The following MYO1E variants were observed in gnomAD, a reference collection of about 807,000 sequenced individuals.
The protein encoded by MYO1E is myosin IE, also known as unconventional myosin-Ie.
Under a neutral mutation model 151.1 loss-of-function variants are expected in MYO1E, and 68 were observed. The ratio of observed to expected loss-of-function variants is 0.45; its 90% CI spans 0.37 to 0.55. The LOEUF (loss-of-function observed/expected upper bound fraction) is 0.55. MYO1E is among the 20% of genes least tolerant of loss of function. The probability of loss-of-function intolerance (pLI) is 0.00; values close to 1 mark genes in which losing one functional copy is unlikely to be tolerated. For missense variants in MYO1E, 1,363 were observed against 1,389.3 expected, an observed-to-expected ratio of 0.98 and a Z score of 0.30; for synonymous variants, 601 against 501.7, an observed-to-expected ratio of 1.20 and a Z score of -2.64.
Position 59,308,930 on chromosome 15 carries a change from C to T in MYO1E, c.4-36481G>A. Among the ~76,000 whole-genome samples, 2 of 151,786 alleles carry T rather than the reference C, an allele frequency of 1.3e-5. 1 individual carries two copies. The highest frequency in any genetic ancestry group is 2.9e-5 in the Non-Finnish European group (2 of 67,966). On this transcript the variant is annotated intron_variant, in intron 1 of 27. Coordinates refer to ENST00000288235, the MANE Select transcript of MYO1E (RefSeq NM_004998.4). ...CAGAGAGGCAGAATTGCAGAAAGAGCTCTGGGCCTCAGAGAGTCAGAAAAC... is the reference window on the plus strand; with the variant it reads ...CAGAGAGGCAGAATTGCAGAAAGAGTTCTGGGCCTCAGAGAGTCAGAAAAC...
At chr15:59,202,193 T>C in intron 16 of MYO1E, 133 bp downstream of exon 16, 1 of 759,266 alleles carries the variant, frequency 1.3e-6, no homozygotes, top group Non-Finnish European at 2.3e-6. Context: ...AGCAGCGATG[T>C]TACTTCTGGG....
chr15:59,345,903 G>C (rs1345381774), intron 1 of MYO1E, among the ~76,000 whole-genome samples: 1 of 152,232 alleles, frequency 6.6e-6, no homozygotes, highest in East Asian at 1.9e-4. Flanking sequence ...CTGGGGTAGA[G>C]GGATGAGGTT....
chr15:59,188,798 A>G lies in MYO1E; in HGVS notation c.1806-582T>C, dbSNP rs139888790. 4.9e-3 allele frequency among the ~76,000 whole-genome samples: 748 copies of G among 152,348 alleles called. 3 individuals are homozygous for G. Among genetic ancestry groups the G allele is most frequent in the Non-Finnish European group, 8.6e-3 (588 of 68,026 alleles). Reference sequence around the variant, plus strand: ...AAGAATAACAGTAACACAAAGACCCATCTATCACCTAGAGTATGAACAAAA... The same window carrying G: ...AAGAATAACAGTAACACAAAGACCCGTCTATCACCTAGAGTATGAACAAAA... On this transcript the variant is annotated intron_variant, in intron 17 of 27. Transcript: ENST00000288235.
chr15:59,166,893 G>C (rs953996239), intron 22 of MYO1E, among the ~76,000 whole-genome samples: 3 of 152,100 alleles, frequency 2.0e-5, no homozygotes, highest in Non-Finnish European at 4.4e-5. Context: ...AATCACGCTG[G>C]GAACACTTAT....
intron 22 of MYO1E, among the ~76,000 whole-genome samples, chr15:59,165,574 C>T (rs1180765023): frequency 1.3e-5 from 2 of 152,158 alleles, no homozygotes; most frequent in African/African-American, 2.4e-5. Context: ...TTTTCATCTC[C>T]GTCACTCAAC....
At chr15:59,218,209 C>T (rs764574740) in intron 9 of MYO1E, 122 bp from the exon 10 acceptor site, 12 of 1,190,792 alleles carry the variant, frequency 1.0e-5, no homozygotes, top group East Asian at 4.9e-5. Flanking sequence ...GGCACAATCA[C>T]GGGCCCCAAG....
intron 9 of MYO1E, among the ~76,000 whole-genome samples, chr15:59,219,187 A>T (rs1461554269): frequency 2.0e-5 from 3 of 152,162 alleles, no homozygotes. Flanking sequence ...CTTGTTTCAG[A>T]CCATGAAACT....
intron 1 of MYO1E, among the ~76,000 whole-genome samples, chr15:59,337,627 T>C (rs2080737270): frequency 6.6e-6 from 1 of 152,188 alleles, no homozygotes; most frequent in Non-Finnish European, 1.5e-5. Context: ...GGTCAAGAGT[T>C]CGAAACCAGC....
In MYO1E at chr15:59,297,437, A is replaced by ATTTTTTTTTTTTTTTTTTTT. The variant is rs755470049; in HGVS notation, c.4-25008_4-24989dup. 6.3e-5 allele frequency among the ~76,000 whole-genome samples: 4 copies of ATTTTTTTTTTTTTTTTTTTT among 63,454 alleles called. 1 individual carries two copies. The highest frequency in any genetic ancestry group is 1.5e-4 in the Non-Finnish European group (4 of 27,030). 41.6% of individuals were successfully genotyped at this position (63,454 alleles called of 152,430 possible). Reference sequence around the variant, plus strand: ...AGGTACGCACCACCACACCCAGCTAATTTTTTTTTTTTTTTTTTTTTTTTA... The same window carrying ATTTTTTTTTTTTTTTTTTTT: ...AGGTACGCACCACCACACCCAGCTAATTTTTTTTTTTTTTTTTTTTTTTTTTTTTTTTTTTTTTTTTTTTA... On this transcript the variant is annotated intron_variant, in intron 1 of 27. Coordinates refer to ENST00000288235, the MANE Select transcript of MYO1E (RefSeq NM_004998.4).
chr15:59,169,225 C>T (rs1452905158), intron 22 of MYO1E, among the ~76,000 whole-genome samples: 1 of 152,174 alleles, frequency 6.6e-6, no homozygotes, highest in Non-Finnish European at 1.5e-5. Context: ...TCATTCCAGC[C>T]AATAGTCAAC....
intron 10 of MYO1E, among the ~76,000 whole-genome samples, chr15:59,216,691 T>TACACACACACACACAC (rs199582846): frequency 5.3e-5 from 3 of 56,538 alleles, no homozygotes; most frequent in East Asian, 3.9e-4. Flanking sequence ...TATATACACA[T>TACACACACACACACAC]ACACACACAC....
rs371204950 is a variant in MYO1E, at chr15:59,207,935, T to C, written c.1530+746A>G. 8.7e-6 allele frequency: 14 copies of C among 1,613,964 alleles called. No individual in the cohort carries two copies. Among genetic ancestry groups the C allele is most frequent in the Admixed American group, 3.3e-5 (2 of 60,002 alleles). ...ACCATAATTAAGGGCCTCTATGGAATAGATGAAGAAGTATTCCTCAGTATT... is the reference window on the plus strand; with the variant it reads ...ACCATAATTAAGGGCCTCTATGGAACAGATGAAGAAGTATTCCTCAGTATT... On this transcript the variant is annotated intron_variant, in intron 14 of 27. Coordinates refer to ENST00000288235, the MANE Select transcript of MYO1E (RefSeq NM_004998.4).
At chr15:59,185,805 G>T (rs1477741006) in intron 18 of MYO1E, among the ~76,000 whole-genome samples, 1 of 152,184 alleles carries the variant, frequency 6.6e-6, no homozygotes. Context: ...TCAATGCCTG[G>T]ATACGCTTTT....
chr15:59,339,900 T>C (rs2080753638), intron 1 of MYO1E, among the ~76,000 whole-genome samples: 1 of 151,060 alleles, frequency 6.6e-6, no homozygotes, highest in Non-Finnish European at 1.5e-5. Context: ...TAGCCTGGAA[T>C]GCGGTGGCAC....
In MYO1E at chr15:59,159,306, G is replaced by C. The variant is rs916612575; in HGVS notation, c.2786-927C>G. 3.3e-5 allele frequency among the ~76,000 whole-genome samples: 5 copies of C among 152,206 alleles called. No individual in the cohort carries two copies. Among genetic ancestry groups the C allele is most frequent in the Non-Finnish European group, 7.3e-5 (5 of 68,032 alleles). ...ATAAGATAGAATCCAACACCTATTG[G>C]GCAATTTCCCCTCGGGGGCCCGCCG... On this transcript the variant is annotated intron_variant, in intron 24 of 27. Coordinates refer to ENST00000288235, the MANE Select transcript of MYO1E (RefSeq NM_004998.4). The surrounding 1 kb of genome is among the most constrained non-coding windows in gnomAD (Gnocchi z 4.4).
intron 16 of MYO1E, among the ~76,000 whole-genome samples, chr15:59,197,473 G>C (rs1283025103): frequency 6.6e-6 from 1 of 152,192 alleles, no homozygotes; most frequent in Non-Finnish European, 1.5e-5. Context: ...TACTGAGTTT[G>C]CAGTGCAGAT....
Position 59,178,131 on chromosome 15 carries a change from C to T in MYO1E, c.2049+262G>A, listed in dbSNP as rs923242. Reference sequence around the variant, plus strand: ...AGCTAGAGAGGAGCGAGACAGTCAGCGAGGAAGGAGCCACTCTCTGATGCC... The same window carrying T: ...AGCTAGAGAGGAGCGAGACAGTCAGTGAGGAAGGAGCCACTCTCTGATGCC... On this transcript the variant is annotated intron_variant, in intron 19 of 27. Transcript: ENST00000288235. Among the ~76,000 whole-genome samples, 137,304 of 152,264 alleles carry T rather than the reference C, an allele frequency of 0.9. 61,926 individuals carry two copies. Among genetic ancestry groups the T allele is most frequent in the East Asian group, 0.97 (5,004 of 5,176 alleles).
chr15:59,174,289 C>G, intron 19 of MYO1E, 49 bp from the exon 20 acceptor site: 1 of 1,320,440 alleles, frequency 7.6e-7, no homozygotes, highest in Non-Finnish European at 1.1e-6. Context: ...AGCCCCAATC[C>G]CTGAACAACA....
chr15:59,211,561 C>A (rs2079879487), intron 12 of MYO1E, among the ~76,000 whole-genome samples: 1 of 152,118 alleles, frequency 6.6e-6, no homozygotes, highest in Admixed American at 6.5e-5. Flanking sequence ...AGACTCAAAT[C>A]CATTCTACAG....
Sources: gnomAD v4.1 joint callset for allele counts (sites outside exome capture counted in the v4.1 genomes callset) on GRCh38, gnomAD v4.1.1 for gene constraint, Gnocchi (gnomAD v3.1) non-coding constraint, MANE v1.5 for transcripts, NCBI Gene and HGNC (gene_info 2026-07-23, HGNC 2026-07-21) for gene names.